Variants in CDH12 observed in about 807,000 individuals in gnomAD.
The protein encoded by CDH12 is cadherin-12.
CDH12 carries 41 observed loss-of-function variants against 74.1 expected under a neutral mutation model. The observed-to-expected ratio is 0.55, with a 90% CI of 0.43 to 0.72. CDH12 has a LOEUF of 0.72. Ranked by LOEUF, CDH12 falls within the 30% of genes least tolerant of loss-of-function variation. The probability of loss-of-function intolerance (pLI) is 0.00; values close to 1 mark genes in which losing one functional copy is unlikely to be tolerated. For synonymous variants in CDH12, 399 were observed against 355.0 expected, an observed-to-expected ratio of 1.12 and a Z score of -1.39; for missense variants, 945 against 977.2, an observed-to-expected ratio of 0.97 and a Z score of 0.44.
chr5:22,141,734 T>A (rs1028622598), intron 4 of CDH12, among the ~76,000 whole-genome samples: 12 of 151,994 alleles, frequency 7.9e-5, no homozygotes, highest in Non-Finnish European at 1.5e-4. Context: ...AATAGGAGAA[T>A]TTAGCGATTC....
At chr5:22,185,569 G>T (rs1443811517) in intron 4 of CDH12, among the ~76,000 whole-genome samples, 1 of 152,198 alleles carries the variant, frequency 6.6e-6, no homozygotes, top group Non-Finnish European at 1.5e-5. Flanking sequence ...TTCACAGTGT[G>T]TCCCTTTTCA....
intron 3 of CDH12, among the ~76,000 whole-genome samples, chr5:22,249,873 A>ATT (rs59532754): frequency 6.6e-5 from 10 of 152,258 alleles, no homozygotes; most frequent in Non-Finnish European, 1.3e-4. Flanking sequence ...TTATTCACTC[A>ATT]TTTTTGTGTT....
intron 3 of CDH12, among the ~76,000 whole-genome samples, chr5:22,263,538 A>T (rs1293975506): frequency 6.6e-6 from 1 of 152,056 alleles, no homozygotes; most frequent in Non-Finnish European, 1.5e-5. Context: ...AATCTCATCA[A>T]CTTAAAAACA....
intron 6 of CDH12, among the ~76,000 whole-genome samples, chr5:21,934,114 CCACA>C (rs151001261): frequency 6.6e-6 from 1 of 151,438 alleles, no homozygotes; most frequent in Non-Finnish European, 1.5e-5. Flanking sequence ...TTACACACAC[CCACA>C]CACACACACT....
chr5:21,877,714 G>C (rs1181843852), intron 6 of CDH12, among the ~76,000 whole-genome samples: 1 of 152,142 alleles, frequency 6.6e-6, no homozygotes, highest in African/African-American at 2.4e-5. Flanking sequence ...AATGTCTAGA[G>C]AAATCTTCAG....
At chr5:21,782,424 CTGTT>C (rs1745966014) in intron 11 of CDH12, among the ~76,000 whole-genome samples, 1 of 152,190 alleles carries the variant, frequency 6.6e-6, no homozygotes, top group African/African-American at 2.4e-5. Context: ...ACAAACAAAA[CTGTT>C]TGATGTTTAC....
intron 8 of CDH12, among the ~76,000 whole-genome samples, chr5:21,832,255 AC>A (rs760903313): frequency 2.0e-5 from 3 of 152,150 alleles, no homozygotes; most frequent in Non-Finnish European, 4.4e-5. Context: ...AAGTAAGTCA[AC>A]AAAAATTTTC....
intron 2 of CDH12, among the ~76,000 whole-genome samples, chr5:22,435,749 T>A (rs1270728560): frequency 6.6e-6 from 1 of 152,022 alleles, no homozygotes; most frequent in Non-Finnish European, 1.5e-5. Flanking sequence ...GCTCCTAAGA[T>A]CAGTGCCTAA....
At chr5:22,476,917 G>A (rs1278704200) in intron 2 of CDH12, among the ~76,000 whole-genome samples, 1 of 152,132 alleles carries the variant, frequency 6.6e-6, no homozygotes, top group Admixed American at 6.5e-5. Flanking sequence ...GAAGCTGGTA[G>A]GCACACAGTG....
At chr5:21,802,593 C>CTTTTTTTT (rs35742047) in intron 9 of CDH12, among the ~76,000 whole-genome samples, 173 bp from the exon 10 acceptor site, 13 of 120,198 alleles carry the variant, frequency 1.1e-4, no homozygotes, top group East Asian at 4.9e-4. Flanking sequence ...ATTTTTTTTT[C>CTTTTTTTT]TTTTTTTTTT....
intron 2 of CDH12, among the ~76,000 whole-genome samples, chr5:22,410,059 A>G (rs1158531900): frequency 2.6e-5 from 4 of 152,098 alleles, no homozygotes; most frequent in Admixed American, 2.6e-4. Flanking sequence ...TTTGATTGTG[A>G]ATAGTAAAAA....
chr5:22,296,285 T>C (rs1737620775), intron 3 of CDH12, among the ~76,000 whole-genome samples: 1 of 152,026 alleles, frequency 6.6e-6, no homozygotes, highest in South Asian at 2.1e-4. Context: ...CTAATCTACC[T>C]TAGAGAACCT....
chr5:21,767,890 C>A (rs1047871845), intron 11 of CDH12, among the ~76,000 whole-genome samples: 3 of 151,582 alleles, frequency 2.0e-5, no homozygotes, highest in Non-Finnish European at 4.4e-5. Flanking sequence ...ATGAATAATG[C>A]ATAGGAGTAA....
At position 22,328,176 on chromosome 5, in the gene CDH12, T is replaced by C. The variant is rs1739202880; in HGVS notation, c.-333+77081A>G. On this transcript the variant is annotated intron_variant, in intron 3 of 14. Coordinates refer to ENST00000382254, the MANE Select transcript of CDH12 (RefSeq NM_004061.5). The stretch of plus-strand genomic sequence containing the variant: ...ACCCTGTGTACTTTATAAACTTCTA[T>C]TTGAAACTAAATGATTGTCTTGATC... Among the ~76,000 whole-genome samples the C allele has an allele frequency of 2.6e-5, 4 of 152,328 alleles. No homozygotes were observed. In the South Asian group the frequency reaches 8.3e-4, roughly 32 times the overall value.
At position 21,850,021 on chromosome 5, in the gene CDH12, A is replaced by G. The variant is rs183847516; in HGVS notation, c.646+4650T>C. Among the ~76,000 whole-genome samples the G allele has an allele frequency of 5.7e-3, 869 of 151,728 alleles. 4 individuals are homozygous for G. Among genetic ancestry groups the G allele is most frequent in the Middle Eastern group, 0.01 (3 of 294 alleles). On this transcript the variant is annotated intron_variant, in intron 7 of 14. Transcript: ENST00000382254. ...GCTACAACATGGATAGGCCTGGGGG[A>G]CAGTGTTCTAAGTGAAATAAGCCAG... is the stretch of plus-strand genomic sequence containing the variant.
At chr5:22,323,556 A>T (rs1025182269) in intron 3 of CDH12, among the ~76,000 whole-genome samples, 13 of 152,178 alleles carry the variant, frequency 8.5e-5, no homozygotes, top group African/African-American at 3.1e-4. Context: ...GTTTAATATC[A>T]CACATGGAAA....
At chr5:22,152,594 A>G (rs1747669566) in intron 4 of CDH12, among the ~76,000 whole-genome samples, 1 of 152,208 alleles carries the variant, frequency 6.6e-6, no homozygotes, top group Non-Finnish European at 1.5e-5. Context: ...GCTAATTAAC[A>G]TAGGTATTGG....
intron 5 of CDH12, among the ~76,000 whole-genome samples, chr5:21,989,007 AG>A (rs925912802): frequency 6.6e-6 from 1 of 152,166 alleles, no homozygotes; most frequent in African/African-American, 2.4e-5. Context: ...AGTTCACTAA[AG>A]TTCATGGATT....
At chr5:22,023,721 C>T (rs1312026745) in intron 5 of CDH12, among the ~76,000 whole-genome samples, 1 of 152,074 alleles carries the variant, frequency 6.6e-6, no homozygotes, top group African/African-American at 2.4e-5. Context: ...TATATTAAAA[C>T]AAGCTTGGGT....
Sources: allele counts gnomAD v4.1 joint callset (sites outside exome capture counted in the v4.1 genomes callset), GRCh38; gene constraint gnomAD v4.1.1; transcripts MANE v1.5; gene names NCBI Gene and HGNC (gene_info 2026-07-23, HGNC 2026-07-21).